The following APBB2 variants were observed in gnomAD, a reference collection of about 807,000 sequenced individuals.
APBB2 encodes the protein Fe65-like 1.
Under a neutral mutation model 82.5 loss-of-function variants are expected in APBB2, and 38 were observed. The observed-to-expected ratio is 0.46, with a 90% CI of 0.36 to 0.60. APBB2 has a LOEUF of 0.60. Ranked by LOEUF, APBB2 falls within the 20% of genes least tolerant of loss-of-function variation. The pLI is 0.00. For missense variants in APBB2, 772 were observed against 972.3 expected, an observed-to-expected ratio of 0.79 and a Z score of 2.74; for synonymous variants, 341 against 368.2, an observed-to-expected ratio of 0.93 and a Z score of 0.85.
At chr4:41,101,470 CAAAAAAAAAAAAAAAAAA>C (rs150527764) in intron 2 of APBB2, among the ~76,000 whole-genome samples, 5 of 72,526 alleles carry the variant, frequency 6.9e-5, no homozygotes, top group Non-Finnish European at 9.5e-5. Flanking sequence ...GACTCCGTCT[CAAAAAAAAAAAAAAAAAA>C]AAAAAAAAAA....
chr4:40,973,204 C>T (rs868553641), intron 6 of APBB2, among the ~76,000 whole-genome samples: 18 of 152,110 alleles, frequency 1.2e-4, no homozygotes, highest in Admixed American at 3.3e-4. Flanking sequence ...TTGGCAGGTT[C>T]GACCAATAAG....
chr4:41,012,210 A>G (rs1308408988), intron 6 of APBB2, among the ~76,000 whole-genome samples: 2 of 152,242 alleles, frequency 1.3e-5, no homozygotes, highest in Non-Finnish European at 2.9e-5. Context: ...TACCAGGAAG[A>G]GCAGCAGAAA....
At chr4:41,030,493 C>T (rs1359571916) in intron 5 of APBB2, among the ~76,000 whole-genome samples, 2 of 152,156 alleles carry the variant, frequency 1.3e-5, no homozygotes, top group Non-Finnish European at 2.9e-5. Context: ...AATTCCTGGG[C>T]TCAAGCGATC....
intron 6 of APBB2, among the ~76,000 whole-genome samples, chr4:40,978,818 T>C (rs901600880): frequency 2.0e-5 from 3 of 152,184 alleles, no homozygotes; most frequent in Non-Finnish European, 4.4e-5. Context: ...CTAATTCGTA[T>C]ACACATTAGA....
At chr4:41,087,279 T>C (rs78347597) in intron 3 of APBB2, among the ~76,000 whole-genome samples, 2 of 152,350 alleles carry the variant, frequency 1.3e-5, no homozygotes, top group Non-Finnish European at 1.5e-5. Context: ...CCAATGATGT[T>C]TTCTGTAGAA....
intron 12 of APBB2, among the ~76,000 whole-genome samples, chr4:40,840,094 T>C (rs1038252023): frequency 2.6e-5 from 4 of 152,190 alleles, no homozygotes; most frequent in Non-Finnish European, 5.9e-5. Flanking sequence ...GCAGGTCCCA[T>C]CTGCAAATAA....
At chr4:40,838,436 A>C (rs527430097) in intron 12 of APBB2, among the ~76,000 whole-genome samples, 2 of 150,974 alleles carry the variant, frequency 1.3e-5, no homozygotes, top group Non-Finnish European at 2.9e-5. Context: ...CCCGGGTTCA[A>C]GCAATTCTCC....
chr4:41,031,117 C>A (rs1255500867), intron 5 of APBB2, among the ~76,000 whole-genome samples: 1 of 152,044 alleles, frequency 6.6e-6, no homozygotes, highest in African/African-American at 2.4e-5. Flanking sequence ...CCCAGTTACT[C>A]GGGAGCCTGA....
intron 17 of APBB2, among the ~76,000 whole-genome samples, chr4:40,820,799 C>T (rs938625051): frequency 1.3e-5 from 2 of 152,186 alleles, no homozygotes; most frequent in African/African-American, 4.8e-5. Context: ...TCCTTCCACT[C>T]GGGCCCAGCA....
intron 3 of APBB2, among the ~76,000 whole-genome samples, chr4:41,071,828 A>T (rs1304866563): frequency 6.6e-6 from 1 of 152,162 alleles, no homozygotes; most frequent in Admixed American, 6.5e-5. Context: ...TTTTTTCTAA[A>T]AGGTAATGCC....
At chr4:40,881,122 T>C (rs962653779) in intron 12 of APBB2, 6 of 985,270 alleles carry the variant, frequency 6.1e-6, no homozygotes, top group African/African-American at 5.2e-5. Flanking sequence ...AGAACCACAG[T>C]GTAAGTCAGC....
chr4:40,885,390 C>T (rs895078480), intron 12 of APBB2, among the ~76,000 whole-genome samples: 3 of 152,168 alleles, frequency 2.0e-5, no homozygotes, highest in Non-Finnish European at 4.4e-5. Flanking sequence ...TAGGTAATGT[C>T]CAGGAAGATT....
intron 12 of APBB2, among the ~76,000 whole-genome samples, chr4:40,871,848 A>G (rs534505747): frequency 1.3e-5 from 2 of 152,362 alleles, no homozygotes; most frequent in South Asian, 4.1e-4. Context: ...AAGGAAATCT[A>G]AGATATGGTG....
At chr4:41,161,937 C>A (rs1232144942) in intron 1 of APBB2, among the ~76,000 whole-genome samples, 1 of 152,174 alleles carries the variant, frequency 6.6e-6, no homozygotes, top group East Asian at 1.9e-4. Context: ...CATCCAACTT[C>A]AATGATTATT....
At chr4:41,145,865 A>C (rs1344760999) in intron 1 of APBB2, among the ~76,000 whole-genome samples, 1 of 152,200 alleles carries the variant, frequency 6.6e-6, no homozygotes, top group African/African-American at 2.4e-5. Context: ...AAAATGACCC[A>C]AGTCTTAAGG....
chr4:41,098,593 A>G (rs1209274425), intron 3 of APBB2, among the ~76,000 whole-genome samples: 2 of 152,220 alleles, frequency 1.3e-5, no homozygotes, highest in Non-Finnish European at 2.9e-5. Flanking sequence ...CCTTCCCTCT[A>G]TAAAATCAAA....
At chr4:41,152,461 TAC>T (rs1343541531) in intron 1 of APBB2, among the ~76,000 whole-genome samples, 2 of 152,088 alleles carry the variant, frequency 1.3e-5, no homozygotes, top group Non-Finnish European at 2.9e-5. Flanking sequence ...TAGCTGGGAC[TAC>T]AGGCGCCCAC....
At position 40,892,125 on chromosome 4, in the gene APBB2, A is replaced by G. The variant is rs371306394; in HGVS notation, c.1401+1140T>C. ...GCCATCATACCCAGCTAATTTTTGT[A>G]TTTTTAGTAGAGACAGGGTTTCACC... On this transcript the variant is annotated intron_variant, in intron 11 of 17. Coordinates refer to ENST00000508593, the MANE Select transcript of APBB2 (RefSeq NM_004307.2). 2.9e-3 allele frequency among the ~76,000 whole-genome samples: 442 copies of G among 151,848 alleles called. 21 individuals are homozygous for G. In the South Asian group the frequency reaches 0.087, roughly 30 times the overall value.
At chr4:40,870,849 C>T (rs184251107) in intron 12 of APBB2, among the ~76,000 whole-genome samples, 78 of 151,674 alleles carry the variant, frequency 5.1e-4, no homozygotes, top group Admixed American at 5.0e-3. Flanking sequence ...TCTCCTGCCT[C>T]AGCCTCCCGA....
Sources: allele counts gnomAD v4.1 joint callset (sites outside exome capture counted in the v4.1 genomes callset), GRCh38; gene constraint gnomAD v4.1.1; transcripts MANE v1.5; gene names NCBI Gene and HGNC (gene_info 2026-07-23, HGNC 2026-07-21).